NAALADL2: variants seen among roughly 807,000 people sequenced by gnomAD.
NAALADL2 encodes the protein N-acetylated alpha-linked acidic dipeptidase like 2.
A neutral mutation model predicts 87.2 loss-of-function variants in NAALADL2; 76 were observed. The ratio of observed to expected loss-of-function variants is 0.87; its 90% CI spans 0.72 to 1.05. NAALADL2 has a LOEUF of 1.05. NAALADL2 is among the 50% of genes least tolerant of loss of function. NAALADL2 has a pLI of 0.00. For synonymous variants in NAALADL2, 354 were observed against 331.0 expected (o/e 1.07, Z -0.75); for missense variants, 1,089 against 945.8 (o/e 1.15, Z -1.99).
intron 1 of NAALADL2, among the ~76,000 whole-genome samples, chr3:174,961,278 C>T (rs986671976): frequency 1.3e-5 from 2 of 151,164 alleles, no homozygotes; most frequent in Non-Finnish European, 2.9e-5. Flanking sequence ...GAGCCACCAC[C>T]CACACCTGGT....
chr3:175,608,170 A>G (rs1724048877), intron 10 of NAALADL2, among the ~76,000 whole-genome samples: 1 of 150,140 alleles, frequency 6.7e-6, no homozygotes, highest in Non-Finnish European at 1.5e-5. Flanking sequence ...TTAATTAATA[A>G]TGACATCTGT....
At chr3:175,315,451 A>G (rs1759017151) in intron 4 of NAALADL2, among the ~76,000 whole-genome samples, 3 of 152,312 alleles carry the variant, frequency 2.0e-5, no homozygotes, top group Admixed American at 2.0e-4. Context: ...TCAGTAATGG[A>G]CATTTTGTAT....
chr3:174,682,495 G>C (rs1727640840), intron 2 of NAALADL2, among the ~76,000 whole-genome samples: 1 of 152,180 alleles, frequency 6.6e-6, no homozygotes, highest in Non-Finnish European at 1.5e-5. Flanking sequence ...TGCAGTCCCA[G>C]TTGTGGTGGC....
intron 2 of NAALADL2, among the ~76,000 whole-genome samples, chr3:175,116,036 C>A (rs529729753): frequency 6.6e-6 from 1 of 151,722 alleles, no homozygotes; most frequent in Non-Finnish European, 1.5e-5. Flanking sequence ...AATTCAACAG[C>A]CTTCATGCAA....
intron 6 of NAALADL2, among the ~76,000 whole-genome samples, chr3:175,462,851 A>G (rs981432768): frequency 6.6e-6 from 1 of 152,242 alleles, no homozygotes; most frequent in African/African-American, 2.4e-5. Context: ...CTACAAACTC[A>G]GAAATAAAAA....
chr3:174,711,156 C>A (rs1730586472), intron 2 of NAALADL2, among the ~76,000 whole-genome samples: 1 of 152,140 alleles, frequency 6.6e-6, no homozygotes, highest in Non-Finnish European at 1.5e-5. Flanking sequence ...TACTACACTT[C>A]CAGAAGTAAA....
At chr3:174,490,138 A>G (rs752008703) in intron 1 of NAALADL2, among the ~76,000 whole-genome samples, 86 of 152,270 alleles carry the variant, frequency 5.6e-4, no homozygotes, top group Admixed American at 4.6e-4. Flanking sequence ...TAGCCAAAAG[A>G]TGAAAACAAC....
At chr3:175,625,397 A>T (rs138160327) in intron 10 of NAALADL2, among the ~76,000 whole-genome samples, 2,283 of 152,092 alleles carry the variant, frequency 0.015, 23 homozygotes, top group Non-Finnish European at 0.023. Context: ...TTAAGTATTG[A>T]TGTGTATGCC....
chr3:174,771,574 G>A (rs1479898255), intron 3 of NAALADL2, among the ~76,000 whole-genome samples: 2 of 152,162 alleles, frequency 1.3e-5, no homozygotes, highest in Non-Finnish European at 2.9e-5. Flanking sequence ...GGCGAAACAT[G>A]CACATCGTAG....
chr3:174,613,689 T>G (rs565837668), intron 2 of NAALADL2, among the ~76,000 whole-genome samples: 1 of 152,132 alleles, frequency 6.6e-6, no homozygotes, highest in Non-Finnish European at 1.5e-5. Context: ...AGTAGGCTCC[T>G]TTCTGGTCCA....
At chr3:174,890,042 T>G (rs540830352) in intron 1 of NAALADL2, among the ~76,000 whole-genome samples, 1 of 152,128 alleles carries the variant, frequency 6.6e-6, no homozygotes, top group Non-Finnish European at 1.5e-5. Context: ...TGGTTCCAAA[T>G]TGTAGGGGAG....
At chr3:175,742,706 G>A (rs940368836) in intron 12 of NAALADL2, among the ~76,000 whole-genome samples, 4 of 151,878 alleles carry the variant, frequency 2.6e-5, no homozygotes, top group Admixed American at 6.6e-5. Flanking sequence ...CCTATGTAAT[G>A]TAAGTTTTGC....
intron 9 of NAALADL2, among the ~76,000 whole-genome samples, chr3:175,502,813 G>A (rs1729739878): frequency 6.6e-6 from 1 of 151,970 alleles, no homozygotes; most frequent in Admixed American, 6.6e-5. Flanking sequence ...AGCTGGAGAG[G>A]AATTTTGCCT....
chr3:175,725,854 A>G (rs1224078200), intron 11 of NAALADL2, among the ~76,000 whole-genome samples: 2 of 152,216 alleles, frequency 1.3e-5, no homozygotes, highest in Non-Finnish European at 2.9e-5. Flanking sequence ...AATGCCTGGC[A>G]TATGGCAAGA....
rs369115132 is a variant in NAALADL2 at position 175,297,784 on chromosome 3, A to G, written c.940-26391A>G. 4.9e-3 allele frequency among the ~76,000 whole-genome samples: 748 copies of G among 152,246 alleles called. 10 individuals are homozygous for G. The highest frequency in any genetic ancestry group is 0.017 in the African/African-American group (712 of 41,560). ...TGGTTATATTATTGTCTGTGCACAT[A>G]CCCATAACAATGTAGGTTGGAATAA... is the stretch of plus-strand genomic sequence containing the variant. On this transcript the variant is annotated intron_variant, in intron 4 of 13. Coordinates refer to ENST00000454872, the MANE Select transcript of NAALADL2 (RefSeq NM_207015.3).
At chr3:175,577,187 G>T (rs990095563) in intron 10 of NAALADL2, among the ~76,000 whole-genome samples, 1 of 152,234 alleles carries the variant, frequency 6.6e-6, no homozygotes, top group Middle Eastern at 3.4e-3. Context: ...ACACTTACTC[G>T]ACAAATTATT....
chr3:175,279,411 C>G lies in NAALADL2; in HGVS notation c.939+22881C>G, dbSNP rs142429406. On this transcript the variant is annotated intron_variant, in intron 4 of 13. Coordinates refer to ENST00000454872, the MANE Select transcript of NAALADL2 (RefSeq NM_207015.3). ...ACCACCTTAATGTGGATTTTAATGA[C>G]AGTTTTCATTTTGGATTCACATGTA... 6.6e-5 allele frequency among the ~76,000 whole-genome samples: 10 copies of G among 152,146 alleles called. No homozygotes were observed. The East Asian group carries it at 1.9e-3, about 29-fold the overall frequency.
intron 1 of NAALADL2, among the ~76,000 whole-genome samples, chr3:175,046,779 C>G (rs539432935): frequency 2.0e-4 from 31 of 152,180 alleles, no homozygotes; most frequent in Non-Finnish European, 3.1e-4. Context: ...TTTTCATCAT[C>G]TTCTTCCCAG....
At chr3:174,443,571 A>T (rs1307551378) in intron 1 of NAALADL2, among the ~76,000 whole-genome samples, 1 of 152,236 alleles carries the variant, frequency 6.6e-6, no homozygotes, top group Non-Finnish European at 1.5e-5. Flanking sequence ...TGGAAGACCA[A>T]GCTAATGGCA....
Sources: allele counts gnomAD v4.1 joint callset (sites outside exome capture counted in the v4.1 genomes callset), GRCh38; gene constraint gnomAD v4.1.1; transcripts MANE v1.5; gene names NCBI Gene and HGNC (gene_info 2026-07-23, HGNC 2026-07-21).